Variants in IL1RAP observed in about 807,000 individuals in gnomAD.
IL1RAP encodes the protein interleukin 1 receptor accessory protein, also known as interleukin-1 receptor accessory protein.
Under a neutral mutation model 60.7 loss-of-function variants are expected in IL1RAP, and 35 were observed. The observed-to-expected ratio is 0.58, with a 90% CI of 0.44 to 0.76. The LOEUF is 0.76. IL1RAP is among the 30% of genes least tolerant of loss of function. IL1RAP has a pLI of 0.00. For missense variants in IL1RAP, 572 were observed against 693.9 expected, an observed-to-expected ratio of 0.82 and a Z score of 1.97; for synonymous variants, 268 against 250.9, an observed-to-expected ratio of 1.07 and a Z score of -0.64.
chr3:190,627,254 TTTTTGTTTTGTTTTG>T lies in IL1RAP; in HGVS notation c.776-49_776-35del, dbSNP rs3038257. 3.9e-4 allele frequency: 448 copies of T among 1,163,080 alleles called. 2 individuals are homozygous for T. Among genetic ancestry groups the T allele is most frequent in the East Asian group, 1.4e-3 (55 of 40,098 alleles). The allele number at this position is 1,163,080 out of a possible 1,614,324, so 72.0% of individuals were successfully genotyped here. On this transcript the variant is annotated intron_variant, in intron 7 of 11. Coordinates refer to ENST00000447382, the MANE Select transcript of IL1RAP (RefSeq NM_002182.4). ...ACTAATGGGCTAACTTTGTCTTTGT[TTTTTGTTTTGTTTTG>T]TTTTGTTTTGTTTTGTTTTTTGTTT...
intron 3 of IL1RAP, among the ~76,000 whole-genome samples, chr3:190,594,461 C>T (rs529709695): frequency 9.2e-5 from 14 of 152,266 alleles, no homozygotes; most frequent in African/African-American, 2.9e-4. Flanking sequence ...ATGTCCCACG[C>T]AGCAGGACAG....
At chr3:190,539,571 G>A (rs933347609) in intron 1 of IL1RAP, among the ~76,000 whole-genome samples, 6 of 151,572 alleles carry the variant, frequency 4.0e-5, no homozygotes, top group Non-Finnish European at 7.4e-5. Flanking sequence ...TATTCTACTC[G>A]TATTCCAATA....
intron 1 of IL1RAP, among the ~76,000 whole-genome samples, chr3:190,541,177 G>A (rs1405803323): frequency 6.6e-6 from 1 of 152,076 alleles, no homozygotes; most frequent in Non-Finnish European, 1.5e-5. Flanking sequence ...TAGAAACTGG[G>A]AGATAGGGGT....
At chr3:190,643,977 C>T in intron 9 of IL1RAP, 1 of 228,488 alleles carries the variant, frequency 4.4e-6, no homozygotes, top group Non-Finnish European at 7.3e-6. Flanking sequence ...CTAAGCCCTT[C>T]CTGATGTTAT....
intron 3 of IL1RAP, among the ~76,000 whole-genome samples, chr3:190,592,517 C>G (rs1385364217): frequency 6.6e-6 from 1 of 152,232 alleles, no homozygotes; most frequent in African/African-American, 2.4e-5. Flanking sequence ...AGACCTTCAG[C>G]AGCTTCGTTA....
At chr3:190,543,596 G>A (rs185869381) in intron 1 of IL1RAP, among the ~76,000 whole-genome samples, 12 of 152,310 alleles carry the variant, frequency 7.9e-5, no homozygotes, top group Admixed American at 2.6e-4. Context: ...AAGTGGTTTC[G>A]GAAATATGTC....
chr3:190,627,963 C>T (rs1021574115), intron 8 of IL1RAP, among the ~76,000 whole-genome samples: 14 of 151,962 alleles, frequency 9.2e-5, no homozygotes, highest in African/African-American at 3.1e-4. Context: ...CTCTCTCCTC[C>T]TCTTTCTTAT....
At chr3:190,520,789 C>T (rs928265660) in intron 1 of IL1RAP, among the ~76,000 whole-genome samples, 8 of 152,164 alleles carry the variant, frequency 5.3e-5, no homozygotes, top group South Asian at 2.1e-4. Context: ...CATGATTACA[C>T]GGCTTCCTCC....
At chr3:190,655,952 C>T (rs1457017017), downstream of IL1RAP, 71 of 1,537,180 alleles carry the variant, frequency 4.6e-5, no homozygotes, top group Non-Finnish European at 6.1e-5. Context: ...GTTCTGAGCC[C>T]TGACTATGTG....
At chr3:190,551,237 C>T (rs1292175425) in intron 1 of IL1RAP, among the ~76,000 whole-genome samples, 1 of 152,222 alleles carries the variant, frequency 6.6e-6, no homozygotes, top group East Asian at 1.9e-4. Context: ...TTCATTGGCT[C>T]TGCAAGTTGA....
At chr3:190,646,628 A>C (rs1476056189) in intron 11 of IL1RAP, among the ~76,000 whole-genome samples, 14 of 152,224 alleles carry the variant, frequency 9.2e-5, no homozygotes, top group Admixed American at 9.2e-4. Context: ...TATAAGTTAC[A>C]TTCCCAAACC....
chr3:190,647,136 T>C (rs1005084059), intron 11 of IL1RAP, among the ~76,000 whole-genome samples: 3 of 152,190 alleles, frequency 2.0e-5, no homozygotes, highest in Non-Finnish European at 4.4e-5. Context: ...TCCCTGCCGC[T>C]CTTACCCAAT....
At chr3:190,524,847 G>T (rs1036015927) in intron 1 of IL1RAP, among the ~76,000 whole-genome samples, 19 of 152,120 alleles carry the variant, frequency 1.2e-4, no homozygotes, top group African/African-American at 4.3e-4. Context: ...AATAAAATTT[G>T]ACATACATAT....
chr3:190,522,419 GTATCTATCTATCTATCTATCTATC>G (rs36196626), intron 1 of IL1RAP, among the ~76,000 whole-genome samples: 8 of 142,634 alleles, frequency 5.6e-5, no homozygotes, highest in African/African-American at 5.3e-5. Flanking sequence ...ATGTATCTAT[GTATCTATCTATCTATCTATCTATC>G]TATCTATCTA....
At chr3:190,648,183 G>A (rs1443849192) in intron 11 of IL1RAP, among the ~76,000 whole-genome samples, 155 bp from the exon 12 acceptor site, 1 of 152,176 alleles carries the variant, frequency 6.6e-6, no homozygotes, top group East Asian at 1.9e-4. Context: ...GAGTTTGCAG[G>A]TATAAGGATT....
At chr3:190,620,465 A>G (rs745316576) in intron 6 of IL1RAP, 25 bp downstream of exon 6, 56 of 1,579,082 alleles carry the variant, frequency 3.5e-5, no homozygotes, top group Non-Finnish European at 4.4e-5. Flanking sequence ...TGTCCAGTAC[A>G]CACAACAAGC....
intron 1 of IL1RAP, chr3:190,519,027 G>A (rs1721780337): frequency 6.6e-6 from 1 of 152,206 alleles, no homozygotes; most frequent in Non-Finnish European, 1.5e-5. Context: ...TGAGGACTTA[G>A]ACTAAGACCA....
intron 2 of IL1RAP, among the ~76,000 whole-genome samples, chr3:190,561,585 C>A (rs1357012533): frequency 6.6e-6 from 1 of 152,128 alleles, no homozygotes; most frequent in East Asian, 1.9e-4. Flanking sequence ...AGCTTATAAA[C>A]AGGCAAACTG....
rs1053314722 is a variant in IL1RAP, at chr3:190,648,276, G to A, written c.1346-62G>A. On this transcript the variant is annotated intron_variant, in intron 11 of 11. Coordinates refer to ENST00000447382, the MANE Select transcript of IL1RAP (RefSeq NM_002182.4). ...TAAGTTCCCTACATTTGCTCCTCAA[G>A]CCTCAATGCTTTTGGGGAGTTTTTG... 6 of 1,521,680 alleles carry A rather than the reference G, an allele frequency of 3.9e-6. No homozygotes were observed. The African/African-American group carries it at 8.4e-5, about 21-fold the overall frequency. 94.3% of individuals were successfully genotyped at this position (1,521,680 alleles called of 1,614,324 possible). A position where few individuals can be genotyped will look rare whatever the true frequency, so the allele number is the denominator to read the frequency against.
Sources: gnomAD v4.1 joint callset for allele counts (sites outside exome capture counted in the v4.1 genomes callset) on GRCh38, gnomAD v4.1.1 for gene constraint, MANE v1.5 for transcripts, NCBI Gene and HGNC (gene_info 2026-07-23, HGNC 2026-07-21) for gene names.